SORBS2: variants seen among roughly 807,000 people sequenced by gnomAD.
SORBS2 encodes the protein sorbin and SH3 domain containing 2, also known as sorbin and SH3 domain-containing protein 2.
SORBS2 carries 46 observed loss-of-function variants against 97.7 expected under a neutral mutation model. The ratio of observed to expected loss-of-function variants is 0.47; its 90% CI spans 0.37 to 0.60. The LOEUF is 0.60. Among genes scored for constraint, SORBS2 ranks in the 20% least tolerant of loss-of-function variants. The probability of loss-of-function intolerance (pLI) is 0.00; values close to 1 mark genes in which losing one functional copy is unlikely to be tolerated. For missense variants in SORBS2, 1,316 were observed against 1,282.3 expected (o/e 1.03, Z -0.40); for synonymous variants, 476 against 473.4 (o/e 1.01, Z -0.07).
At chr4:185,624,692 T>C (rs1437616019) in intron 6 of SORBS2, among the ~76,000 whole-genome samples, 198 bp from the exon 19 acceptor site, 1 of 152,226 alleles carries the variant, frequency 6.6e-6, no homozygotes, top group African/African-American at 2.4e-5. Flanking sequence ...AGCGAGCTAA[T>C]ACTTTTTCAG....
intron 2 of SORBS2, 46 bp downstream of exon 4, chr4:185,690,516 T>C: frequency 7.3e-7 from 1 of 1,370,422 alleles, no homozygotes. Context: ...CAACATGATT[T>C]TTAGAGAGCA....
chr4:185,591,699 T>C (rs1008243481), intron 13 of SORBS2, among the ~76,000 whole-genome samples: 2 of 152,164 alleles, frequency 1.3e-5, no homozygotes, highest in Non-Finnish European at 2.9e-5. Flanking sequence ...ATTCTTTTAT[T>C]GAGCTTCTCA....
intron 1 of SORBS2, among the ~76,000 whole-genome samples, chr4:185,832,906 G>T (rs2153673971): frequency 6.6e-6 from 1 of 152,254 alleles, no homozygotes; most frequent in Non-Finnish European, 1.5e-5. Context: ...CCGAATTCAG[G>T]GGTAATGCTG....
chr4:185,665,500 G>A (rs2153478795), intron 4 of SORBS2, among the ~76,000 whole-genome samples: 1 of 152,320 alleles, frequency 6.6e-6, no homozygotes, highest in South Asian at 2.1e-4. Context: ...GAAACCGTAA[G>A]TAACTATTTT....
chr4:185,917,363 A>T (rs1403406106), intron 1 of SORBS2, among the ~76,000 whole-genome samples: 1 of 152,150 alleles, frequency 6.6e-6, no homozygotes, highest in Non-Finnish European at 1.5e-5. Flanking sequence ...AGTAGCTGGG[A>T]CTATAGGTGC....
chr4:185,599,270 A>C (rs1381819164), intron 12 of SORBS2, among the ~76,000 whole-genome samples: 1 of 152,184 alleles, frequency 6.6e-6, no homozygotes, highest in African/African-American at 2.4e-5. Context: ...GAAATGAGGA[A>C]AGGAATCCTG....
rs1428566353 is a variant in SORBS2 at position 185,678,764 on chromosome 4, TATA to T, written c.-171+29_-171+31del. Reference sequence around the variant, plus strand: ...TATGTTTTCTAAAAGTCACAAATAATATAATAATTATTCAGAATATTTTTTCTG... The same window carrying T: ...TATGTTTTCTAAAAGTCACAAATAATATAATTATTCAGAATATTTTTTCTG... On this transcript the variant is annotated intron_variant, in intron 3 of 20. Coordinates refer to the SORBS2 transcript ENST00000284776. The T allele has an allele frequency of 5.5e-5, 77 of 1,388,888 alleles. No individual in the cohort carries two copies. In the East Asian group the frequency reaches 1.9e-3, roughly 35 times the overall value. The allele number at this position is 1,388,888 out of a possible 1,614,324, so 86.0% of individuals were successfully genotyped here. A position where few individuals can be genotyped will look rare whatever the true frequency, so the allele number is the denominator to read the frequency against.
intron 1 of SORBS2, among the ~76,000 whole-genome samples, chr4:185,819,743 G>A: frequency 6.6e-6 from 1 of 152,198 alleles, no homozygotes; most frequent in East Asian, 1.9e-4. Flanking sequence ...ATTCCTGCCT[G>A]GGGGTGTCCT....
At chr4:185,948,054 G>A (rs549682931) in intron 1 of SORBS2, among the ~76,000 whole-genome samples, 2 of 152,082 alleles carry the variant, frequency 1.3e-5, no homozygotes, top group African/African-American at 2.4e-5. Flanking sequence ...TTTTGTTGTT[G>A]TTGTTGTTTT....
intron 1 of SORBS2, among the ~76,000 whole-genome samples, chr4:185,653,494 C>T (rs573493075): frequency 6.6e-6 from 1 of 152,198 alleles, no homozygotes; most frequent in South Asian, 2.1e-4. Context: ...CTTAATACAC[C>T]CTAGCAATAC....
At chr4:185,848,644 T>A (rs2099216007) in intron 1 of SORBS2, among the ~76,000 whole-genome samples, 1 of 44,410 alleles carries the variant, frequency 2.3e-5, no homozygotes, top group African/African-American at 8.6e-5. Flanking sequence ...TTTTTTTTTT[T>A]TTTTTTTTTT....
chr4:185,637,201 C>A (rs902041302), intron 4 of SORBS2, among the ~76,000 whole-genome samples: 1 of 152,246 alleles, frequency 6.6e-6, no homozygotes, highest in Non-Finnish European at 1.5e-5. Flanking sequence ...GATTATAAGA[C>A]TGTATTTTTA....
rs2096419820 is a variant in SORBS2, at chr4:185,606,417, T to C, written c.2796+5363A>G. The C allele has an allele frequency of 1.0e-6, 1 of 968,398 alleles. No homozygotes were observed. The highest frequency in any genetic ancestry group is 6.2e-5 in the Admixed American group (1 of 16,254). The allele number at this position is 968,398 out of a possible 1,614,324, so 60.0% of individuals were successfully genotyped here. On this transcript the variant is annotated intron_variant, in intron 12 of 14. Coordinates refer to ENST00000418609, the Ensembl canonical transcript of SORBS2. This position sits in a 1 kb window ranked among gnomAD's most constrained non-coding sequence, Gnocchi z 4.3. ...CACATATTTACATCATTTAATTAAA[T>C]ATGGTGTGTTTTCATATACCCACTC...
chr4:185,942,232 A>G (rs1391616839), intron 1 of SORBS2, among the ~76,000 whole-genome samples: 2 of 152,196 alleles, frequency 1.3e-5, no homozygotes, highest in African/African-American at 4.8e-5. Flanking sequence ...TCTGGGAAGA[A>G]AGAATTTGTA....
chr4:185,645,895 A>G (rs1362199497), intron 4 of SORBS2: 1 of 152,234 alleles, frequency 6.6e-6, no homozygotes, highest in African/African-American at 2.4e-5. Flanking sequence ...AAAACCAAAG[A>G]AGGCCAAGGG....
chr4:185,781,246 G>A (rs1023539315), intron 1 of SORBS2, among the ~76,000 whole-genome samples: 1 of 152,150 alleles, frequency 6.6e-6, no homozygotes, highest in Admixed American at 6.5e-5. Flanking sequence ...CTGAAACTTT[G>A]TTTTAAACTG....
intron 2 of SORBS2, among the ~76,000 whole-genome samples, chr4:185,738,582 T>G (rs922081147): frequency 2.0e-5 from 3 of 152,242 alleles, no homozygotes; most frequent in African/African-American, 7.2e-5. Context: ...TTCCCATATC[T>G]GGTCACATGT....
At chr4:185,735,536 G>A (rs973012835) in intron 2 of SORBS2, among the ~76,000 whole-genome samples, 1 of 151,756 alleles carries the variant, frequency 6.6e-6, no homozygotes, top group African/African-American at 2.4e-5. Context: ...ACACTCACAT[G>A]CGAGCCTTCC....
chr4:185,674,519 C>T (rs2153492963), intron 4 of SORBS2, among the ~76,000 whole-genome samples: 1 of 152,232 alleles, frequency 6.6e-6, no homozygotes, highest in African/African-American at 2.4e-5. Context: ...ACTGAGCTGC[C>T]AGAATGATTT....
Sources: allele counts gnomAD v4.1 joint callset (sites outside exome capture counted in the v4.1 genomes callset), GRCh38; gene constraint gnomAD v4.1.1; non-coding constraint Gnocchi (gnomAD v3.1); transcripts MANE v1.5; gene names NCBI Gene and HGNC (gene_info 2026-07-23, HGNC 2026-07-21).